Variants in CPA5 observed in about 807,000 individuals in gnomAD.
CPA5 encodes carboxypeptidase A5.
In CPA5, 38 loss-of-function variants were observed where a neutral mutation model predicts 52.2. That is an observed-to-expected ratio of 0.73 (90% CI 0.56 to 0.95). The LOEUF is 0.95. Among genes scored for constraint, CPA5 ranks in the 40% least tolerant of loss-of-function variants. CPA5 has a pLI of 0.00. For synonymous variants in CPA5, 198 were observed against 213.7 expected (o/e 0.93, Z 0.64); for missense variants, 519 against 566.7 (o/e 0.92, Z 0.86).
chr7:130,373,433 A>G (rs1554410134), downstream of CPA5, among the ~76,000 whole-genome samples: 2 of 152,256 alleles, frequency 1.3e-5, no homozygotes. Context: ...ACATATGGAA[A>G]GCTATAAAGA....
At chr7:130,363,085 G>T in intron 9 of CPA5, 91 bp downstream of exon 9, 2 of 772,148 alleles carry the variant, frequency 2.6e-6, no homozygotes, top group South Asian at 3.3e-5. Context: ...CCCCTTCAGA[G>T]CCTCTTTGCA....
In CPA5 at chr7:130,362,418, G is replaced by T. The variant is rs371918064; in HGVS notation, c.535-20G>T. The T allele has an allele frequency of 1.3e-6, 2 of 1,586,104 alleles. No individual in the cohort carries two copies. The highest frequency in any genetic ancestry group is 2.7e-5 in the African/African-American group (2 of 74,556). On this transcript the variant is annotated intron_variant, in intron 7 of 12. Coordinates refer to ENST00000474905, the MANE Select transcript of CPA5 (RefSeq NM_080385.5). ...TGTCTGAGTTCAAACCTCGGTTTGG[G>T]GCCCGATTCTTTTTCTCAGTTCAGC...
chr7:130,363,344 A>G (rs1554407312), intron 9 of CPA5, 75 bp from the exon 10 acceptor site: 4 of 1,263,736 alleles, frequency 3.2e-6, no homozygotes, highest in Non-Finnish European at 4.5e-6. Context: ...CTACCCCCAT[A>G]GGCCAGGATA....
chr7:130,361,062 C>T (rs1795763540), intron 6 of CPA5, 81 bp from the exon 7 acceptor site: 8 of 866,306 alleles, frequency 9.2e-6, no homozygotes, highest in African/African-American at 1.6e-5. Context: ...TGGGAAGGGA[C>T]AGGGAGAACA....
At chr7:130,370,629 T>C (rs963476079), downstream of CPA5, among the ~76,000 whole-genome samples, 1 of 152,116 alleles carries the variant, frequency 6.6e-6, no homozygotes, top group South Asian at 2.1e-4. Context: ...AAGGCCACAA[T>C]GGAGAGAAAA....
chr7:130,366,859 G>T (rs1227420802), intron 10 of CPA5, among the ~76,000 whole-genome samples: 1 of 152,214 alleles, frequency 6.6e-6, no homozygotes, highest in African/African-American at 2.4e-5. Context: ...TTCTGAGCCA[G>T]GCCCACCTTC....
rs201679339 is a variant in CPA5 at position 130,346,531 on chromosome 7, G to A, written c.46G>A (p.Val16Met). 5.0e-5 allele frequency: 80 copies of A among 1,613,986 alleles called. No individual in the cohort carries two copies. The highest frequency in any genetic ancestry group is 4.3e-4 in the Admixed American group (26 of 60,018). Residue 16 changes from valine to methionine, a missense_variant, in exon 3 of 13, where the codon GTG becomes ATG. Val to Met is a conservative substitution (Grantham distance 21). Coordinates refer to ENST00000474905, the MANE Select transcript of CPA5 (RefSeq NM_080385.5). ...GGGTRPGPSP[V>M]DRRTLLVFSF... ...CGGGACGCGCCCTGGGCCATCCCCCGTGGACAGGCGGACACTCCTGGTCTT... is the reference window on the plus strand; with the variant it reads ...CGGGACGCGCCCTGGGCCATCCCCCATGGACAGGCGGACACTCCTGGTCTT...
chr7:130,368,741 C>G (rs1185198767), downstream of CPA5: 3 of 784,976 alleles, frequency 3.8e-6, no homozygotes, highest in Non-Finnish European at 2.0e-6. Context: ...TTCGCTGCCT[C>G]TCGTGTTGGC....
chr7:130,363,200 G>C (rs564284387), intron 9 of CPA5, among the ~76,000 whole-genome samples: 15 of 152,318 alleles, frequency 9.8e-5, no homozygotes, highest in African/African-American at 2.9e-4. Context: ...TTGGCAGCCT[G>C]TGCCCAGGCC....
intron 9 of CPA5, 34 bp downstream of exon 9, chr7:130,363,028 T>A: frequency 7.7e-7 from 1 of 1,302,532 alleles, no homozygotes; most frequent in Non-Finnish European, 1.1e-6. Flanking sequence ...AAGGAGGGGG[T>A]CAGCTCTAGG....
rs534004106 is a variant in CPA5 at position 130,359,966 on chromosome 7, C to T, written c.432+279C>T. ...ATGGGTCTACTAGGCAGAACACTAA[C>T]GCAGGGACCCATTATGGGCCAGAAT... On this transcript the variant is annotated intron_variant, in intron 6 of 12. Coordinates refer to ENST00000474905, the MANE Select transcript of CPA5 (RefSeq NM_080385.5). Among the ~76,000 whole-genome samples the T allele has an allele frequency of 1.2e-4, 18 of 152,272 alleles. No individual in the cohort carries two copies. The South Asian group carries it at 1.4e-3, about 12-fold the overall frequency.
In CPA5 at chr7:130,362,464, A is replaced by G. The variant is rs1554406961; in HGVS notation, c.561A>G (p.Pro187=). Residue 187 remains proline, a synonymous_variant, in exon 8 of 13, where the codon CCA becomes CCG. Coordinates refer to ENST00000474905, the MANE Select transcript of CPA5 (RefSeq NM_080385.5). The part of the protein sequence containing the change: ...LKFSTGGSRH[P]AIWIDTGIHS... ...TCAGCACTGGAGGTTCTCGGCACCC[A>G]GCCATCTGGATTGACACTGGAATTC... 1 of 1,613,306 alleles carries G rather than the reference A, an allele frequency of 6.2e-7. No individual in the cohort carries two copies. The highest frequency in any genetic ancestry group is 2.2e-5 in the East Asian group (1 of 44,718).
intron 9 of CPA5, 37 bp from the exon 10 acceptor site, chr7:130,363,382 C>T: frequency 6.6e-7 from 1 of 1,523,666 alleles, no homozygotes; most frequent in South Asian, 1.2e-5. Context: ...TGGGAATGGG[C>T]CCAGTGAATG....
chr7:130,365,955 A>T (rs1796057960), intron 10 of CPA5, among the ~76,000 whole-genome samples: 1 of 152,200 alleles, frequency 6.6e-6, no homozygotes, highest in Non-Finnish European at 1.5e-5. Flanking sequence ...CTGCCGGCAC[A>T]TCCCCTTCTA....
At chr7:130,357,564 G>C (rs1030049951) in intron 5 of CPA5, among the ~76,000 whole-genome samples, 1 of 151,478 alleles carries the variant, frequency 6.6e-6, no homozygotes, top group African/African-American at 2.4e-5. Context: ...CAGAGGTTGC[G>C]GTGAGGCGAG....
chr7:130,360,587 A>G (rs1795740364), intron 6 of CPA5, among the ~76,000 whole-genome samples: 1 of 152,242 alleles, frequency 6.6e-6, no homozygotes, highest in Non-Finnish European at 1.5e-5. Flanking sequence ...CAAGTCATGC[A>G]ATAGAGCATC....
At chr7:130,350,206 T>A in intron 5 of CPA5, 97 bp downstream of exon 5, 1 of 1,341,112 alleles carries the variant, frequency 7.5e-7, no homozygotes. Flanking sequence ...AGTGGACATG[T>A]GGTTTCTGGG....
rs187482659 is a variant in CPA5 at position 130,349,452 on chromosome 7, T to C, written c.199-523T>C. Reference sequence around the variant, plus strand: ...AAAAAAAAATTTATAAGTTAAACTTTATTATAGGTCTGTCAAAAACATAGA... The same window carrying C: ...AAAAAAAAATTTATAAGTTAAACTTCATTATAGGTCTGTCAAAAACATAGA... On this transcript the variant is annotated intron_variant, in intron 4 of 12. Coordinates refer to ENST00000474905, the MANE Select transcript of CPA5 (RefSeq NM_080385.5). Among the ~76,000 whole-genome samples the C allele has an allele frequency of 4.5e-3, 679 of 152,278 alleles. 2 individuals carry two copies. Among genetic ancestry groups the C allele is most frequent in the Non-Finnish European group, 5.2e-3 (357 of 68,018 alleles).
At chr7:130,365,996 C>G (rs1554408190) in intron 10 of CPA5, among the ~76,000 whole-genome samples, 1 of 152,224 alleles carries the variant, frequency 6.6e-6, no homozygotes, top group Admixed American at 6.5e-5. Context: ...TGAGGACCAC[C>G]AAACCGAGAA....
Sources: allele counts gnomAD v4.1 joint callset (sites outside exome capture counted in the v4.1 genomes callset), GRCh38; gene constraint gnomAD v4.1.1; transcripts MANE v1.5; gene names NCBI Gene and HGNC (gene_info 2026-07-23, HGNC 2026-07-21).